The following MAML3 variants were observed in gnomAD, a reference collection of about 807,000 sequenced individuals.
The protein encoded by MAML3 is mastermind-like protein 3.
MAML3 carries 27 observed loss-of-function variants against 101.9 expected under a neutral mutation model. The ratio of observed to expected loss-of-function variants is 0.27; its 90% CI spans 0.20 to 0.37. The LOEUF (loss-of-function observed/expected upper bound fraction) is 0.37, where lower values mean the gene tolerates loss of function less well. Among genes scored for constraint, MAML3 ranks in the 10% least tolerant of loss-of-function variants. The pLI, the probability that MAML3 is intolerant of heterozygous loss-of-function variation, is 1.00. For missense variants in MAML3, 1,316 were observed against 1,444.9 expected (o/e 0.91, Z 1.45); for synonymous variants, 501 against 555.9 (o/e 0.90, Z 1.39).
chr4:139,774,104 C>T (rs1343750157), intron 2 of MAML3, among the ~76,000 whole-genome samples: 2 of 152,174 alleles, frequency 1.3e-5, no homozygotes, highest in Non-Finnish European at 2.9e-5. Context: ...CAGAAAAGAG[C>T]AGCAGAGCAC....
At chr4:140,011,368 C>T (rs1726559697) in intron 1 of MAML3, among the ~76,000 whole-genome samples, 2 of 113,736 alleles carry the variant, frequency 1.8e-5, no homozygotes, top group South Asian at 6.0e-4. Context: ...GACGGAGTCT[C>T]CCTCTGTCGC....
chr4:140,092,120 G>GTATATATATATATACATA (rs59773240), intron 1 of MAML3, among the ~76,000 whole-genome samples: 2 of 134,156 alleles, frequency 1.5e-5, no homozygotes, highest in Non-Finnish European at 3.2e-5. Context: ...ATATATATAC[G>GTATATATATATATACATA]TATATATATA....
intron 1 of MAML3, among the ~76,000 whole-genome samples, chr4:139,955,519 G>T (rs1370934866): frequency 6.6e-6 from 1 of 152,070 alleles, no homozygotes; most frequent in Non-Finnish European, 1.5e-5. Context: ...TTTAACAACT[G>T]ACTCATGTAT....
At chr4:139,888,727 CA>C (rs1258087939) in intron 2 of MAML3, 20 of 503,350 alleles carry the variant, frequency 4.0e-5, no homozygotes, top group Non-Finnish European at 7.6e-5. Context: ...CTGATTGTAT[CA>C]GAGAGGTTTC....
intron 1 of MAML3, among the ~76,000 whole-genome samples, chr4:139,950,697 A>G (rs1026312741): frequency 2.6e-5 from 4 of 152,176 alleles, no homozygotes; most frequent in Non-Finnish European, 5.9e-5. Context: ...TCTAAACCAC[A>G]CGCCTTCTGT....
intron 1 of MAML3, among the ~76,000 whole-genome samples, chr4:140,042,358 G>C (rs1727099298): frequency 6.6e-6 from 1 of 152,196 alleles, no homozygotes; most frequent in African/African-American, 2.4e-5. Context: ...ACCCCACTCT[G>C]AGGGAGAGCC....
intron 1 of MAML3, among the ~76,000 whole-genome samples, chr4:139,932,828 G>A (rs976703622): frequency 6.6e-6 from 1 of 152,172 alleles, no homozygotes; most frequent in East Asian, 1.9e-4. Flanking sequence ...TCCATTTTAA[G>A]GAAAACGACC....
intron 2 of MAML3, among the ~76,000 whole-genome samples, chr4:139,754,884 C>T (rs1392436610): frequency 1.3e-5 from 2 of 152,216 alleles, no homozygotes; most frequent in African/African-American, 4.8e-5. Flanking sequence ...GTCATCTAAG[C>T]TTTCCCCTCA....
chr4:139,786,715 T>A (rs1730310221), intron 2 of MAML3, among the ~76,000 whole-genome samples: 1 of 152,200 alleles, frequency 6.6e-6, no homozygotes, highest in African/African-American at 2.4e-5. Flanking sequence ...GCAGGCTGTG[T>A]TCACAGCAGG....
intron 2 of MAML3, among the ~76,000 whole-genome samples, chr4:139,850,707 AT>A (rs1304225120): frequency 6.6e-6 from 1 of 151,832 alleles, no homozygotes; most frequent in Non-Finnish European, 1.5e-5. Flanking sequence ...AGCCCGGCTA[AT>A]TTTTTTGTGT....
intron 2 of MAML3, among the ~76,000 whole-genome samples, chr4:139,752,539 A>C (rs976668229): frequency 2.0e-5 from 3 of 152,202 alleles, no homozygotes; most frequent in African/African-American, 7.2e-5. Flanking sequence ...GATGGCTGGG[A>C]AAGTGGCTGG....
intron 1 of MAML3, among the ~76,000 whole-genome samples, chr4:140,075,700 C>A (rs1727752967): frequency 6.6e-6 from 1 of 151,956 alleles, no homozygotes; most frequent in Non-Finnish European, 1.5e-5. Flanking sequence ...CCATGACTGG[C>A]CAATTTCAAA....
At chr4:140,043,179 C>G (rs1343609314) in intron 1 of MAML3, among the ~76,000 whole-genome samples, 2 of 152,156 alleles carry the variant, frequency 1.3e-5, no homozygotes, top group Non-Finnish European at 2.9e-5. Flanking sequence ...CCCTTTCCCT[C>G]TGCTTCTCAC....
chr4:139,777,017 T>C (rs1011984198), intron 2 of MAML3, among the ~76,000 whole-genome samples: 2 of 152,322 alleles, frequency 1.3e-5, no homozygotes, highest in African/African-American at 4.8e-5. Context: ...TGACAGTGAC[T>C]GTATTCAAAT....
chr4:139,753,900 A>G lies in MAML3; in HGVS notation c.2080-23233T>C, dbSNP rs2096153290. ...GACAAATGGAAATGAAGAATTGTGTAATGAGCAAAAGACAGATAAGGGAAT... is the reference window on the plus strand; with the variant it reads ...GACAAATGGAAATGAAGAATTGTGTGATGAGCAAAAGACAGATAAGGGAAT... On this transcript the variant is annotated intron_variant, in intron 2 of 4. Transcript: ENST00000509479. 3.3e-5 allele frequency among the ~76,000 whole-genome samples: 5 copies of G among 152,344 alleles called. No homozygotes were observed. The South Asian group carries it at 1.0e-3, about 32-fold the overall frequency.
intron 1 of MAML3, among the ~76,000 whole-genome samples, chr4:140,100,288 C>T (rs113094263): frequency 6.6e-6 from 1 of 152,300 alleles, no homozygotes; most frequent in South Asian, 2.1e-4. Flanking sequence ...ATGCCTTTCT[C>T]AAGTTTATTA....
intron 1 of MAML3, among the ~76,000 whole-genome samples, chr4:140,083,603 C>CT (rs1727898352): frequency 6.6e-6 from 1 of 152,160 alleles, no homozygotes; most frequent in African/African-American, 2.4e-5. Context: ...GCAGGTCTGC[C>CT]TGTCAAATTT....
intron 1 of MAML3, among the ~76,000 whole-genome samples, chr4:140,056,682 C>T (rs1240928123): frequency 6.6e-6 from 1 of 151,588 alleles, no homozygotes; most frequent in African/African-American, 2.4e-5. Flanking sequence ...TGGTGGTGGG[C>T]GCCTGTAGTC....
At chr4:139,966,765 T>C (rs1427900673) in intron 1 of MAML3, among the ~76,000 whole-genome samples, 1 of 152,108 alleles carries the variant, frequency 6.6e-6, no homozygotes, top group Non-Finnish European at 1.5e-5. Context: ...CAACGAGCAG[T>C]CTTTGGTTAA....
Sources: allele counts gnomAD v4.1 joint callset (sites outside exome capture counted in the v4.1 genomes callset), GRCh38; gene constraint gnomAD v4.1.1; transcripts MANE v1.5; gene names NCBI Gene and HGNC (gene_info 2026-07-23, HGNC 2026-07-21).